F13A1: variants seen among roughly 807,000 people sequenced by gnomAD.
The protein encoded by F13A1 is FSF, A subunit.
In F13A1, 47 loss-of-function variants were observed where a neutral mutation model predicts 80.1. That is an observed-to-expected ratio of 0.59 (90% CI 0.46 to 0.75). The LOEUF is 0.75. Ranked by LOEUF, F13A1 falls within the 30% of genes least tolerant of loss-of-function variation. The pLI is 0.00. For synonymous variants in F13A1, 349 were observed against 344.9 expected, an observed-to-expected ratio of 1.01 and a Z score of -0.13; for missense variants, 817 against 930.4, an observed-to-expected ratio of 0.88 and a Z score of 1.59.
At chr6:6,166,864 T>G (rs1760682894) in intron 13 of F13A1, among the ~76,000 whole-genome samples, 2 of 152,222 alleles carry the variant, frequency 1.3e-5, no homozygotes, top group South Asian at 4.1e-4. Context: ...TCAGAAAAGT[T>G]ACTATCTTGG....
At chr6:6,220,150 C>A (rs1298268988) in intron 8 of F13A1, among the ~76,000 whole-genome samples, 2 of 152,122 alleles carry the variant, frequency 1.3e-5, no homozygotes, top group Non-Finnish European at 2.9e-5. Context: ...CTCAGCCCCG[C>A]AGTCAGTCAG....
intron 6 of F13A1, among the ~76,000 whole-genome samples, chr6:6,225,440 A>G (rs1054622333): frequency 6.6e-6 from 1 of 152,052 alleles, no homozygotes; most frequent in Non-Finnish European, 1.5e-5. Flanking sequence ...GAGTTAAGAA[A>G]ATAGATTCCC....
intron 6 of F13A1, 62 bp downstream of exon 6, chr6:6,248,250 G>T: frequency 1.6e-6 from 2 of 1,270,182 alleles, no homozygotes; most frequent in Non-Finnish European, 1.2e-6. Flanking sequence ...TAATGAACTG[G>T]CATATATACT....
chr6:6,197,996 T>C (rs1761321256), intron 8 of F13A1, among the ~76,000 whole-genome samples: 1 of 152,240 alleles, frequency 6.6e-6, no homozygotes, highest in African/African-American at 2.4e-5. Context: ...TAACCAAAAC[T>C]GAAATATTTA....
rs545244104 is a variant in F13A1, at chr6:6,289,098, A to G, written c.319+16253T>C. ...TGTGAGAATAAAAAAGTGGTTTCCT[A>G]TACATTATCTCCTTTAACCCATAAA... On this transcript the variant is annotated intron_variant, in intron 3 of 14. Coordinates refer to ENST00000264870, the MANE Select transcript of F13A1 (RefSeq NM_000129.4). Among the ~76,000 whole-genome samples, 10 of 152,330 alleles carry G rather than the reference A, an allele frequency of 6.6e-5. No homozygotes were observed. The East Asian group carries it at 1.7e-3, about 26-fold the overall frequency.
chr6:6,206,726 T>C (rs902881341), intron 8 of F13A1: 4 of 374,174 alleles, frequency 1.1e-5, no homozygotes, highest in Non-Finnish European at 1.7e-5. Context: ...AATCCATAGA[T>C]GGCTTTCTAC....
intron 14 of F13A1, among the ~76,000 whole-genome samples, chr6:6,149,006 T>G (rs1397526642): frequency 7.6e-6 from 1 of 131,238 alleles, no homozygotes; most frequent in Non-Finnish European, 1.6e-5. Flanking sequence ...AAAAAAAAAA[T>G]TATTATACCA....
At chr6:6,312,737 AAAAAT>A (rs1319617107) in intron 2 of F13A1, among the ~76,000 whole-genome samples, 2 of 69,272 alleles carry the variant, frequency 2.9e-5, no homozygotes, top group Non-Finnish European at 5.5e-5. Flanking sequence ...ACATTTCATA[AAAAAT>A]AAAATAAAAC....
At chr6:6,289,560 A>G (rs958439562) in intron 3 of F13A1, among the ~76,000 whole-genome samples, 1 of 152,134 alleles carries the variant, frequency 6.6e-6, no homozygotes, top group Non-Finnish European at 1.5e-5. Context: ...CATTTATCCT[A>G]TCATTTATTA....
At chr6:6,166,569 G>T (rs1760677996) in intron 13 of F13A1, among the ~76,000 whole-genome samples, 1 of 152,216 alleles carries the variant, frequency 6.6e-6, no homozygotes, top group African/African-American at 2.4e-5. Flanking sequence ...GATAAGGGCT[G>T]CATGAGATGT....
chr6:6,282,996 G>C (rs927411176), intron 3 of F13A1, among the ~76,000 whole-genome samples: 3 of 152,070 alleles, frequency 2.0e-5, no homozygotes, highest in Admixed American at 2.0e-4. Flanking sequence ...CTACTTCCTG[G>C]GCACTCAACC....
At position 6,145,603 on chromosome 6, in the gene F13A1, T is replaced by G; in HGVS notation, c.*16A>C. The G allele has an allele frequency of 1.2e-6, 2 of 1,614,120 alleles. No homozygotes were observed. The highest frequency in any genetic ancestry group is 1.7e-6 in the Non-Finnish European group (2 of 1,179,970). ...AAGAGGCCAAATGCCAGGGTTCATC[T>G]CAGCTTCCTGTGCATTCACATGGAA... On this transcript the variant is annotated 3_prime_UTR_variant, in exon 15 of 15. Coordinates refer to ENST00000264870, the MANE Select transcript of F13A1 (RefSeq NM_000129.4).
chr6:6,149,218 G>A (rs989514291), intron 14 of F13A1, among the ~76,000 whole-genome samples: 5 of 152,170 alleles, frequency 3.3e-5, no homozygotes, highest in South Asian at 2.1e-4. Flanking sequence ...GCTTTTGAAT[G>A]TTCTCACCAC....
In F13A1 at chr6:6,161,539, TGTGTGTGTGTGTGA is replaced by T. The variant is rs1270589402; in HGVS notation, c.1908+5905_1908+5918del. ...CAGAGAGAGGATGTGTGTGTGTGTG[TGTGTGTGTGTGTGA>T]GAGAGAGAGAGAGAGAGAGAGAGAG... On this transcript the variant is annotated intron_variant, in intron 13 of 14. Coordinates refer to ENST00000264870, the MANE Select transcript of F13A1 (RefSeq NM_000129.4). 5.3e-5 allele frequency among the ~76,000 whole-genome samples: 8 copies of T among 151,128 alleles called. No individual in the cohort carries two copies. The East Asian group carries it at 5.8e-4, about 11-fold the overall frequency.
At chr6:6,265,828 T>G (rs1757835746) in intron 4 of F13A1, among the ~76,000 whole-genome samples, 1 of 152,224 alleles carries the variant, frequency 6.6e-6, no homozygotes, top group African/African-American at 2.4e-5. Flanking sequence ...TTTATTTTTC[T>G]GAAGTCAGAG....
intron 9 of F13A1, 75 bp from the exon 10 acceptor site, chr6:6,195,960 C>A: frequency 1.5e-6 from 2 of 1,299,774 alleles, no homozygotes; most frequent in Non-Finnish European, 2.2e-6. Context: ...ATTCATGGCA[C>A]TGAGGGTGAC....
At chr6:6,181,127 T>C (rs1449668958) in intron 11 of F13A1, among the ~76,000 whole-genome samples, 1 of 152,202 alleles carries the variant, frequency 6.6e-6, no homozygotes, top group Non-Finnish European at 1.5e-5. Flanking sequence ...ACCGGGCTGC[T>C]GCACGCCCTG....
intron 3 of F13A1, among the ~76,000 whole-genome samples, chr6:6,267,300 A>G (rs1468793861): frequency 6.6e-6 from 1 of 152,244 alleles, no homozygotes; most frequent in Non-Finnish European, 1.5e-5. Context: ...CAGAATGAAT[A>G]TCACATATAC....
At chr6:6,220,261 G>A (rs114739560) in intron 8 of F13A1, among the ~76,000 whole-genome samples, 2,187 of 152,258 alleles carry the variant, frequency 0.014, 48 homozygotes, top group African/African-American at 0.049. Flanking sequence ...GGTGGGTGAG[G>A]GTCCCAGGCC....
Sources: allele counts gnomAD v4.1 joint callset (sites outside exome capture counted in the v4.1 genomes callset), GRCh38; gene constraint gnomAD v4.1.1; transcripts MANE v1.5; gene names NCBI Gene and HGNC (gene_info 2026-07-23, HGNC 2026-07-21).